CMC1: variants seen among roughly 807,000 people sequenced by gnomAD.
The protein encoded by CMC1 is COX assembly mitochondrial protein homolog.
In CMC1, 14 loss-of-function variants were observed where a neutral mutation model predicts 14.1. The ratio of observed to expected loss-of-function variants is 0.99; its 90% CI spans 0.66 to 1.55. CMC1 has a LOEUF of 1.55. Among genes scored for constraint, CMC1 ranks in the 40% most tolerant of loss-of-function variants. The pLI, the probability that CMC1 is intolerant of heterozygous loss-of-function variation, is 0.00. For synonymous variants in CMC1, 50 were observed against 38.4 expected (o/e 1.30, Z -1.12); for missense variants, 127 against 123.8 (o/e 1.03, Z -0.12).
At chr3:28,271,663 T>C (rs1700299832) in intron 2 of CMC1, among the ~76,000 whole-genome samples, 1 of 152,192 alleles carries the variant, frequency 6.6e-6, no homozygotes, top group South Asian at 2.1e-4. Flanking sequence ...TTGCTTAGGA[T>C]TGTCTTGGCT....
chr3:28,257,165 T>C (rs561721706), intron 1 of CMC1, among the ~76,000 whole-genome samples: 17 of 152,206 alleles, frequency 1.1e-4, no homozygotes, highest in Non-Finnish European at 2.2e-4. Context: ...CGATTTTAAA[T>C]TGAGGTAAAA....
intron 3 of CMC1, chr3:28,319,280 G>C (rs2125621411): frequency 3.6e-6 from 2 of 559,320 alleles, no homozygotes; most frequent in East Asian, 8.3e-5. Context: ...CAGGACAGGA[G>C]CTGTGCTTCT....
At chr3:28,263,882 T>C (rs1457597256) in intron 2 of CMC1, among the ~76,000 whole-genome samples, 5 of 152,270 alleles carry the variant, frequency 3.3e-5, no homozygotes, top group Admixed American at 6.5e-5. Flanking sequence ...GTGGAAGATA[T>C]TTATGTAAAT....
chr3:28,291,642 A>C (rs1044301839), intron 2 of CMC1, among the ~76,000 whole-genome samples: 1 of 152,152 alleles, frequency 6.6e-6, no homozygotes, highest in African/African-American at 2.4e-5. Flanking sequence ...GCATGTTTGC[A>C]GAGTTGCCTT....
chr3:28,274,220 CTTTTT>C (rs544985268), intron 2 of CMC1, among the ~76,000 whole-genome samples: 2 of 112,326 alleles, frequency 1.8e-5, no homozygotes, highest in Non-Finnish European at 3.5e-5. Flanking sequence ...TTGTTTTTTT[CTTTTT>C]TTTTTTTTTT....
At chr3:28,277,903 G>A (rs78333142) in intron 2 of CMC1, among the ~76,000 whole-genome samples, 1,889 of 152,238 alleles carry the variant, frequency 0.012, 39 homozygotes, top group African/African-American at 0.043. Context: ...AGGACTTGTA[G>A]CTAGTAAGGA....
intron 2 of CMC1, 136 bp downstream of exon 2, chr3:28,263,516 G>T: frequency 1.9e-6 from 1 of 533,148 alleles, no homozygotes; most frequent in Non-Finnish European, 3.3e-6. Context: ...TGAAATACCA[G>T]TATTTCAGCT....
chr3:28,245,953 T>C (rs1248212617), intron 1 of CMC1, among the ~76,000 whole-genome samples: 1 of 152,190 alleles, frequency 6.6e-6, no homozygotes, highest in Non-Finnish European at 1.5e-5. Context: ...AAAAATTTTT[T>C]ATTTTTTTTA....
chr3:28,296,735 T>G (rs1701757225), intron 2 of CMC1, among the ~76,000 whole-genome samples: 1 of 152,108 alleles, frequency 6.6e-6, no homozygotes, highest in Admixed American at 6.6e-5. Flanking sequence ...GCTATGATTA[T>G]GACTTATTTA....
chr3:28,256,690 A>G (rs1374320944), intron 1 of CMC1, among the ~76,000 whole-genome samples: 2 of 152,338 alleles, frequency 1.3e-5, no homozygotes, highest in Non-Finnish European at 1.5e-5. Context: ...AAAACAATGC[A>G]AAGATAAGGG....
intron 2 of CMC1, among the ~76,000 whole-genome samples, chr3:28,285,019 C>G (rs1049896287): frequency 2.4e-4 from 37 of 152,108 alleles, no homozygotes; most frequent in Admixed American, 3.3e-4. Context: ...TCAGTGCATT[C>G]TTTGATGTTT....
intron 2 of CMC1, among the ~76,000 whole-genome samples, chr3:28,275,749 C>T (rs1001507968): frequency 1.1e-4 from 17 of 152,114 alleles, no homozygotes; most frequent in African/African-American, 3.9e-4. Flanking sequence ...AGATCGTAGC[C>T]GCCCTTGCCC....
At chr3:28,311,192 G>C (rs796437527) in intron 2 of CMC1, among the ~76,000 whole-genome samples, 34 of 151,972 alleles carry the variant, frequency 2.2e-4, no homozygotes, top group African/African-American at 8.2e-4. Flanking sequence ...GGGATGGGTG[G>C]CTAGAATGTT....
chr3:28,269,937 C>G (rs1394833525), intron 2 of CMC1, among the ~76,000 whole-genome samples: 1 of 152,168 alleles, frequency 6.6e-6, no homozygotes. Context: ...TCCCTGCCCC[C>G]AACAGACCCC....
chr3:28,259,689 T>C (rs1039750435), intron 1 of CMC1, among the ~76,000 whole-genome samples: 14 of 152,196 alleles, frequency 9.2e-5, no homozygotes, highest in Non-Finnish European at 1.9e-4. Flanking sequence ...TCACATAAAA[T>C]TGTGAAAAAT....
intron 2 of CMC1, among the ~76,000 whole-genome samples, chr3:28,267,134 C>T (rs889295487): frequency 6.6e-6 from 1 of 152,086 alleles, no homozygotes; most frequent in African/African-American, 2.4e-5. Context: ...AGCTGTTTGA[C>T]TTCACTAATT....
At chr3:28,260,000 A>T (rs922144077) in intron 1 of CMC1, among the ~76,000 whole-genome samples, 2 of 152,070 alleles carry the variant, frequency 1.3e-5, no homozygotes, top group Non-Finnish European at 2.9e-5. Context: ...CTTCTGTTCC[A>T]CGTATACTGA....
chr3:28,319,143 C>T (rs973008840), intron 3 of CMC1: 3 of 413,072 alleles, frequency 7.3e-6, no homozygotes, highest in Non-Finnish European at 1.4e-5. Flanking sequence ...CAAGCATTTC[C>T]CCTTGAAACC....
At chr3:28,259,650 T>C (rs1208887443) in intron 1 of CMC1, among the ~76,000 whole-genome samples, 2 of 152,184 alleles carry the variant, frequency 1.3e-5, no homozygotes, top group African/African-American at 4.8e-5. Flanking sequence ...GAAGTTTTTT[T>C]CTTTAACTTT....
Sources: allele counts gnomAD v4.1 joint callset (sites outside exome capture counted in the v4.1 genomes callset), GRCh38; gene constraint gnomAD v4.1.1; transcripts MANE v1.5; gene names NCBI Gene and HGNC (gene_info 2026-07-23, HGNC 2026-07-21).